The following PTPRT variants were observed in gnomAD, a reference collection of about 807,000 sequenced individuals.
PTPRT encodes the protein receptor-type tyrosine-protein phosphatase T.
A neutral mutation model predicts 176.8 loss-of-function variants in PTPRT; 56 were observed. That is an observed-to-expected ratio of 0.32 (90% confidence interval 0.26 to 0.40). PTPRT has a LOEUF of 0.40. PTPRT is among the 10% of genes least tolerant of loss of function. The pLI, the probability that PTPRT is intolerant of heterozygous loss-of-function variation, is 1.00. For synonymous variants in PTPRT, 783 were observed against 739.0 expected (o/e 1.06, Z -0.96); for missense variants, 1,540 against 1,908.2 (o/e 0.81, Z 3.60).
chr20:42,104,621 A>C lies in PTPRT; in HGVS notation c.3488T>G (p.Ile1163Ser). The change falls in exon 25 of 31, where the codon ATC becomes AGC. Residue 1163 changes from isoleucine (I) to serine (S), a missense_variant. Physicochemically the swap from Ile to Ser is moderately radical, Grantham distance 142. Around this residue, in one of 11 missense-constraint regions of PTPRT, gnomAD observed 342 missense variants for 394.0 expected, o/e 0.87. Transcript: ENST00000373187. The stretch of plus-strand genomic sequence containing the variant: ...GTTTGTCTGGGGGTCCAGCCTGCTG[A>C]TATTGTAGTAGAGAGAACGGAACTC... Reference protein sequence around the residue: ...VCEFRSLYYNISRLDPQTNSS... With the variant: ...VCEFRSLYYNSSRLDPQTNSS... The C allele has an allele frequency of 6.2e-7, 1 of 1,611,356 alleles. No homozygotes were observed. Among genetic ancestry groups the C allele is most frequent in the Non-Finnish European group, 8.5e-7 (1 of 1,177,580 alleles).
At chr20:42,527,926 A>G (rs2072307598) in intron 7 of PTPRT, among the ~76,000 whole-genome samples, 1 of 152,228 alleles carries the variant, frequency 6.6e-6, no homozygotes, top group Admixed American at 6.5e-5. Context: ...ATAAATTCCA[A>G]GTTCTAGTTA....
At chr20:42,734,352 C>A (rs1244235555) in intron 6 of PTPRT, among the ~76,000 whole-genome samples, 1 of 152,190 alleles carries the variant, frequency 6.6e-6, no homozygotes, top group African/African-American at 2.4e-5. Context: ...CTTCCAATCA[C>A]CAGCAGGAAC....
At chr20:42,695,360 T>C (rs1433503613) in intron 6 of PTPRT, among the ~76,000 whole-genome samples, 2 of 152,176 alleles carry the variant, frequency 1.3e-5, no homozygotes, top group Non-Finnish European at 2.9e-5. Flanking sequence ...GATGAAATGG[T>C]GTTCAGTCAA....
At chr20:42,209,645 G>A (rs1240612463) in intron 15 of PTPRT, among the ~76,000 whole-genome samples, 1 of 152,066 alleles carries the variant, frequency 6.6e-6, no homozygotes, top group Non-Finnish European at 1.5e-5. Context: ...TGAAATTGTG[G>A]CAATAATCAA....
At chr20:42,698,242 C>A (rs966052819) in intron 6 of PTPRT, among the ~76,000 whole-genome samples, 1 of 152,148 alleles carries the variant, frequency 6.6e-6, no homozygotes, top group Non-Finnish European at 1.5e-5. Flanking sequence ...CTGATGTGAG[C>A]ACATTTAGGG....
chr20:42,905,195 A>G (rs2079458590), intron 1 of PTPRT, among the ~76,000 whole-genome samples: 1 of 152,236 alleles, frequency 6.6e-6, no homozygotes, highest in Non-Finnish European at 1.5e-5. Context: ...TCCAGAATCT[A>G]AAAAGAACTC....
chr20:42,940,693 G>A (rs1342917095), intron 1 of PTPRT, among the ~76,000 whole-genome samples: 1 of 152,158 alleles, frequency 6.6e-6, no homozygotes, highest in Admixed American at 6.5e-5. Context: ...TCTCCCTGGG[G>A]AAGAGTCCAG....
Position 42,080,109 on chromosome 20 carries a change from C to T in PTPRT, c.*770G>A, listed in dbSNP as rs1983170327. ...CAAGCCCTGCCCCAGGGAGGTGGTC[C>T]CTTTTTACAAAGACAAGGAGGAGCA... is the stretch of plus-strand genomic sequence containing the variant. On this transcript the variant is annotated 3_prime_UTR_variant, in exon 31 of 31. Transcript: ENST00000373187. The T allele has an allele frequency of 4.3e-6, 1 of 232,788 alleles. No individual in the cohort carries two copies. The highest frequency in any genetic ancestry group is 5.6e-5 in the Admixed American group (1 of 17,772). 14.4% of individuals were successfully genotyped at this position (232,788 alleles called of 1,614,324 possible).
At chr20:42,924,983 T>G (rs1418790542) in intron 1 of PTPRT, among the ~76,000 whole-genome samples, 2 of 152,216 alleles carry the variant, frequency 1.3e-5, no homozygotes, top group African/African-American at 4.8e-5. Context: ...AGGTGGCGCA[T>G]TGTCCACAGT....
At chr20:42,180,702 T>G (rs1354199449) in intron 16 of PTPRT, among the ~76,000 whole-genome samples, 2 of 152,186 alleles carry the variant, frequency 1.3e-5, no homozygotes, top group African/African-American at 4.8e-5. Context: ...CTTGTTACAC[T>G]CTAACCTCTG....
chr20:42,212,416 C>CAAAAA (rs34652089), intron 15 of PTPRT, among the ~76,000 whole-genome samples: 1 of 90,602 alleles, frequency 1.1e-5, no homozygotes. Flanking sequence ...TCTTTTTTCT[C>CAAAAA]AAAAAAAAAA....
intron 16 of PTPRT, among the ~76,000 whole-genome samples, chr20:42,170,675 C>A (rs1990040473): frequency 6.6e-6 from 1 of 152,132 alleles, no homozygotes; most frequent in African/African-American, 2.4e-5. Context: ...TTGTATATAT[C>A]ATCTGCTCAT....
chr20:43,184,466 A>G (rs2015340728), intron 1 of PTPRT, among the ~76,000 whole-genome samples: 1 of 152,118 alleles, frequency 6.6e-6, no homozygotes, highest in South Asian at 2.1e-4. Context: ...AGGCGGGAGG[A>G]TCACAAGATC....
chr20:42,560,687 A>G (rs2145647903), intron 7 of PTPRT, among the ~76,000 whole-genome samples: 1 of 152,232 alleles, frequency 6.6e-6, no homozygotes, highest in South Asian at 2.1e-4. Flanking sequence ...TGTGGTCCTC[A>G]ATATGGATTC....
intron 13 of PTPRT, among the ~76,000 whole-genome samples, chr20:42,281,740 C>T (rs1164428025): frequency 6.6e-6 from 1 of 152,102 alleles, no homozygotes; most frequent in Non-Finnish European, 1.5e-5. Context: ...AGTAGAATTG[C>T]CCAGTTCTGT....
At chr20:43,087,223 C>T (rs1198363974) in intron 1 of PTPRT, among the ~76,000 whole-genome samples, 1 of 152,098 alleles carries the variant, frequency 6.6e-6, no homozygotes, top group Non-Finnish European at 1.5e-5. Flanking sequence ...TTGACTCTGG[C>T]TTCTTTCACT....
At chr20:42,532,122 C>T (rs531694267) in intron 7 of PTPRT, among the ~76,000 whole-genome samples, 1 of 152,232 alleles carries the variant, frequency 6.6e-6, no homozygotes, top group African/African-American at 2.4e-5. Flanking sequence ...GGATGAAGAA[C>T]AACAGAGCTT....
chr20:42,903,239 C>T (rs2145919959), intron 1 of PTPRT, among the ~76,000 whole-genome samples: 1 of 152,300 alleles, frequency 6.6e-6, no homozygotes, highest in South Asian at 2.1e-4. Context: ...TTAATCATCA[C>T]CATTTTAAAG....
At chr20:43,076,428 C>CA (rs2011280940) in intron 1 of PTPRT, among the ~76,000 whole-genome samples, 9 of 105,836 alleles carry the variant, frequency 8.5e-5, no homozygotes, top group East Asian at 4.2e-4. Context: ...CCAAATGAAA[C>CA]CAAAAAAAAA....
Sources: gnomAD v4.1 joint callset for allele counts (sites outside exome capture counted in the v4.1 genomes callset) on GRCh38, gnomAD v4.1.1 for gene constraint, gnomAD v4.1.1 regional missense constraint, MANE v1.5 for transcripts, NCBI Gene and HGNC (gene_info 2026-07-23, HGNC 2026-07-21) for gene names.